SLC7A8: variants seen among roughly 807,000 people sequenced by gnomAD.
SLC7A8 encodes the protein large neutral amino acids transporter small subunit 2.
A neutral mutation model predicts 51.2 loss-of-function variants in SLC7A8; 30 were observed. That is an observed-to-expected ratio of 0.59 (90% CI 0.44 to 0.80). The LOEUF (loss-of-function observed/expected upper bound fraction) is 0.80, where lower values mean the gene tolerates loss of function less well. Ranked by LOEUF, SLC7A8 falls within the 30% of genes least tolerant of loss-of-function variation. The pLI is 0.00. For synonymous variants in SLC7A8, 257 were observed against 275.8 expected (o/e 0.93, Z 0.67); for missense variants, 612 against 674.4 (o/e 0.91, Z 1.03).
In SLC7A8 at chr14:23,126,626, A is replaced by C. The variant is rs1280907216; in HGVS notation, c.*551T>G. 1 of 154,002 alleles carries C rather than the reference A, an allele frequency of 6.5e-6. No individual in the cohort carries two copies. 9.5% of individuals were successfully genotyped at this position (154,002 alleles called of 1,614,324 possible). On this transcript the variant is annotated 3_prime_UTR_variant, in exon 11 of 11. Coordinates refer to ENST00000316902, the MANE Select transcript of SLC7A8 (RefSeq NM_012244.4). ...GAGGAGAACCGAATTCTGGACAGGG[A>C]GCCCTGGCTGGGGTGGGTGCAGGTA...
chr14:23,137,829 C>A (rs140255900), intron 7 of SLC7A8, 92 bp downstream of exon 7: 4 of 1,504,764 alleles, frequency 2.7e-6, no homozygotes, highest in African/African-American at 1.4e-5. Flanking sequence ...CCCACACAGA[C>A]CCCTGCTGAC....
At chr14:23,139,982 G>A (rs918690404) in intron 5 of SLC7A8, among the ~76,000 whole-genome samples, 13 of 152,154 alleles carry the variant, frequency 8.5e-5, no homozygotes, top group African/African-American at 3.1e-4. Context: ...ACTCCAGCCT[G>A]GGTGACAGGG....
At chr14:23,156,557 A>T (rs140748997) in intron 3 of SLC7A8, 1 of 152,306 alleles carries the variant, frequency 6.6e-6, no homozygotes, top group African/African-American at 2.4e-5. Context: ...TTAACCCTTA[A>T]AAGTTTACCA....
At chr14:23,138,519 T>A (rs1224779229) in intron 6 of SLC7A8, among the ~76,000 whole-genome samples, 1 of 80,752 alleles carries the variant, frequency 1.2e-5, no homozygotes, top group Non-Finnish European at 2.7e-5. Flanking sequence ...AGTTTATGAT[T>A]TTTGAGCCTC....
intron 3 of SLC7A8, among the ~76,000 whole-genome samples, chr14:23,146,407 T>C (rs1018385299): frequency 1.3e-4 from 20 of 152,132 alleles, no homozygotes; most frequent in African/African-American, 4.8e-4. Flanking sequence ...CCTCCCTGTG[T>C]GCTGGGAAAG....
rs1310991744 is a variant in SLC7A8 at position 23,166,559 on chromosome 14, G to C, written c.152-19C>G. 6.2e-7 allele frequency: 1 copy of C among 1,613,446 alleles called. No individual in the cohort carries two copies. The highest frequency in any genetic ancestry group is 8.5e-7 in the Non-Finnish European group (1 of 1,179,588). On this transcript the variant is annotated intron_variant, in intron 1 of 10. Transcript: ENST00000316902. ...ATGTTCCCTGCATGAGGCACCAAGG[G>C]TAAGGAGGGGAGACAGTAGAGACAG...
At position 23,127,240 on chromosome 14, in the gene SLC7A8, C is replaced by T. The variant is rs746754579; in HGVS notation, c.1545G>A (p.Gln515=). ...EEANEDMEEQ[Q]QPMYQPTPTK... is the part of the protein sequence containing the mutation. ...TGGGAGTGGGTTGGTACATGGGCTG[C>T]TGCTGCTCCTCCATGTCCTCATTAG... The change falls in exon 11 of 11, where the codon CAG becomes CAA. Residue 515 remains glutamine (Q), a synonymous_variant. Transcript: ENST00000316902. The T allele has an allele frequency of 1.9e-6, 3 of 1,614,010 alleles. No individual in the cohort carries two copies. Among genetic ancestry groups the T allele is most frequent in the Non-Finnish European group, 2.5e-6 (3 of 1,179,990 alleles).
chr14:23,159,495 G>A (rs1377532356), intron 3 of SLC7A8, among the ~76,000 whole-genome samples: 1 of 152,252 alleles, frequency 6.6e-6, no homozygotes, highest in Non-Finnish European at 1.5e-5. Flanking sequence ...TGGGGACTAG[G>A]GAAGGGCAAG....
chr14:23,180,062 C>T (rs577923835), intron 1 of SLC7A8, among the ~76,000 whole-genome samples: 5 of 152,076 alleles, frequency 3.3e-5, no homozygotes, highest in Admixed American at 2.6e-4. Flanking sequence ...TGCGCCACGA[C>T]GCCCGGCTAA....
At chr14:23,162,108 G>A (rs1040609122) in intron 3 of SLC7A8, among the ~76,000 whole-genome samples, 21 of 151,794 alleles carry the variant, frequency 1.4e-4, no homozygotes, top group African/African-American at 4.1e-4. Context: ...TCAACAAACC[G>A]GAAAACAGAA....
intron 1 of SLC7A8, among the ~76,000 whole-genome samples, chr14:23,169,168 G>C (rs1215801738): frequency 6.6e-6 from 1 of 152,108 alleles, no homozygotes; most frequent in African/African-American, 2.4e-5. Flanking sequence ...GGGCGATATA[G>C]GGAGATCCTA....
chr14:23,134,437 CAAAAAAAA>C (rs57162273), intron 7 of SLC7A8, among the ~76,000 whole-genome samples: 1 of 64,186 alleles, frequency 1.6e-5, no homozygotes, highest in Non-Finnish European at 2.6e-5. Flanking sequence ...ACCCTGTCTC[CAAAAAAAA>C]AAAAAAAAAA....
At chr14:23,143,048 G>A (rs770946303) in intron 4 of SLC7A8, 31 bp downstream of exon 4, 1 of 1,612,282 alleles carries the variant, frequency 6.2e-7, no homozygotes, top group South Asian at 1.1e-5. Flanking sequence ...GAGGAAAGCT[G>A]GGCAGTACCT....
rs1566372029 is a variant in SLC7A8, at chr14:23,166,433, CTG to C, written c.257_258del (p.Thr86SerfsTer9). 6.2e-7 allele frequency: 1 copy of C among 1,614,186 alleles called. No homozygotes were observed. Among genetic ancestry groups the C allele is most frequent in the Non-Finnish European group, 8.5e-7 (1 of 1,180,044 alleles). On this transcript the variant is annotated frameshift_variant, in exon 2 of 11. Transcript: ENST00000316902. LOFTEE classifies it high-confidence loss of function. ...LIVWIVTGFITVVGALCYAEL... is the reference protein window; with the variant it reads ...LIVWIVTGFIXVVGALCYAEL... ...TCAGCATAGCAGAGGGCTCCCACAA[CTG>C]TGATGAAGCCCGTCACAATCCAGAC...
In SLC7A8 at chr14:23,126,977, C is replaced by T; in HGVS notation, c.*200G>A. 4 of 651,198 alleles carry T rather than the reference C, an allele frequency of 6.1e-6. No individual in the cohort carries two copies. The highest frequency in any genetic ancestry group is 5.3e-6 in the Non-Finnish European group (2 of 379,664). The allele number at this position is 651,198 out of a possible 1,614,324, so 40.3% of individuals were successfully genotyped here. A position where few individuals can be genotyped will look rare whatever the true frequency, so the allele number is the denominator to read the frequency against. Reference sequence around the variant, plus strand: ...ACTGGAGTGGGGCCTGGGACATGGACCCTGGGGTGAGAGGCTGGTTCTTTG... The same window carrying T: ...ACTGGAGTGGGGCCTGGGACATGGATCCTGGGGTGAGAGGCTGGTTCTTTG... On this transcript the variant is annotated 3_prime_UTR_variant, in exon 11 of 11. Coordinates refer to ENST00000316902, the MANE Select transcript of SLC7A8 (RefSeq NM_012244.4).
At chr14:23,147,458 C>G (rs1270771523) in intron 3 of SLC7A8, among the ~76,000 whole-genome samples, 2 of 152,218 alleles carry the variant, frequency 1.3e-5, no homozygotes, top group African/African-American at 2.4e-5. Flanking sequence ...ACCACTAACT[C>G]AGCCCAGGGG....
Position 23,139,435 on chromosome 14 carries a change from C to G in SLC7A8, c.901G>C (p.Ala301Pro), listed in dbSNP as rs746796255. Residue 301 changes from alanine (A) to proline (P), a missense_variant, in exon 6 of 11, where the codon GCC (alanine) becomes CCC (proline). By Grantham distance (27) the Ala-to-Pro change is conservative. Transcript: ENST00000316902. Reference protein sequence around the residue: ...MSPQELLASNAVAVTFGEKLL... With the variant: ...MSPQELLASNPVAVTFGEKLL... ...CTTTCATTTCTTACCACAGCGACGG[C>G]GTTGGATGCCAGCAGCTCCTGGGGG... 1 of 1,613,962 alleles carries G rather than the reference C, an allele frequency of 6.2e-7. No individual in the cohort carries two copies. Among genetic ancestry groups the G allele is most frequent in the Non-Finnish European group, 8.5e-7 (1 of 1,179,912 alleles).
intron 1 of SLC7A8, among the ~76,000 whole-genome samples, chr14:23,174,240 TAA>T (rs2048988816): frequency 1.3e-5 from 2 of 152,210 alleles, no homozygotes; most frequent in African/African-American, 4.8e-5. Context: ...ACTGTACTCT[TAA>T]AAAGCACTGA....
In SLC7A8 at chr14:23,128,400, G is replaced by C. The variant is rs1163693882; in HGVS notation, c.1264-204C>G. On this transcript the variant is annotated intron_variant, in intron 9 of 10. Transcript: ENST00000316902. This position sits in a 1 kb window ranked among gnomAD's most constrained non-coding sequence, Gnocchi z 4.3. ...AAATGTTGATGAACATGGTCGGTCA[G>C]ACAGGAAGAGGATGGGGAGGAGTTA... 1.3e-6 allele frequency: 2 copies of C among 1,513,652 alleles called. No homozygotes were observed. Among genetic ancestry groups the C allele is most frequent in the Non-Finnish European group, 1.8e-6 (2 of 1,130,642 alleles). 93.8% of individuals were successfully genotyped at this position (1,513,652 alleles called of 1,614,324 possible).
Sources: allele counts gnomAD v4.1 joint callset (sites outside exome capture counted in the v4.1 genomes callset), GRCh38; gene constraint gnomAD v4.1.1; non-coding constraint Gnocchi (gnomAD v3.1); transcripts MANE v1.5; gene names NCBI Gene and HGNC (gene_info 2026-07-23, HGNC 2026-07-21).